The following DRP2 variants were observed in gnomAD, a reference collection of about 807,000 sequenced individuals.
The protein encoded by DRP2 is dystrophin-related protein 2.
A neutral mutation model predicts 78.2 loss-of-function variants in DRP2; 29 were observed. The ratio of observed to expected loss-of-function variants is 0.37; its 90% CI spans 0.28 to 0.51. The LOEUF is 0.51. Ranked by LOEUF, DRP2 falls within the 20% of genes least tolerant of loss-of-function variation. The pLI is 0.94. For synonymous variants in DRP2, 290 were observed against 281.9 expected, an observed-to-expected ratio of 1.03 and a Z score of -0.29; for missense variants, 686 against 770.6, an observed-to-expected ratio of 0.89 and a Z score of 1.30.
chrX:101,251,290 AT>A, intron 16 of DRP2: 1 of 376,701 alleles, frequency 2.7e-6, no homozygotes, highest in Non-Finnish European at 4.3e-6. Context: ...TTTTAGTTGT[AT>A]TATAAAGTAT....
chrX:101,241,024 A>G (rs1922702444), intron 6 of DRP2, among the ~76,000 whole-genome samples: 1 of 112,277 alleles, frequency 8.9e-6, no homozygotes, highest in South Asian at 3.7e-4. Context: ...GGAAGTGGGC[A>G]ACAGAAACTA....
At chrX:101,251,230 T>C in intron 16 of DRP2, 147 bp downstream of exon 16, 2 of 525,446 alleles carry the variant, frequency 3.8e-6, no homozygotes, top group Non-Finnish European at 2.8e-6. Flanking sequence ...TAATCCTTTA[T>C]ATTGCAGAAT....
At chrX:101,254,048 G>A (rs986882813) in intron 17 of DRP2, among the ~76,000 whole-genome samples, 1 of 111,308 alleles carries the variant, frequency 9.0e-6, no homozygotes, top group African/African-American at 3.3e-5. Flanking sequence ...TTGAGAGGCC[G>A]AGGTAGGAGG....
At chrX:101,224,200 T>TTTTG (rs1569507507) in intron 1 of DRP2, among the ~76,000 whole-genome samples, 10 of 67,556 alleles carry the variant, frequency 1.5e-4, no homozygotes, top group African/African-American at 6.1e-4. Context: ...TGTTTTTTTT[T>TTTTG]TTTTTTTTTT....
At chrX:101,250,189 T>G (rs1459591579) in intron 14 of DRP2, among the ~76,000 whole-genome samples, 1 of 110,897 alleles carries the variant, frequency 9.0e-6, no homozygotes, top group East Asian at 2.8e-4. Context: ...TGTCTCCCCC[T>G]CCCCCTGATA....
At chrX:101,258,185 G>A in intron 21 of DRP2, 124 bp from the exon 22 acceptor site, 1 of 543,798 alleles carries the variant, frequency 1.8e-6, no homozygotes, top group Non-Finnish European at 3.0e-6. Flanking sequence ...GGGGATGGGG[G>A]TGGGGGTGAG....
rs1200762256 is a variant in DRP2, at chrX:101,242,349, A to T, written c.853A>T (p.Met285Leu). Reference protein sequence around the residue: ...IKLFKEEFSPMKDGVKLVNDL... With the variant: ...IKLFKEEFSPLKDGVKLVNDL... ...GCTGTTCAAAGAAGAATTCTCCCCC[A>T]TGAAAGATGGAGTAAAGTTGGTGAA... The change falls in exon 8 of 24, where the codon ATG becomes TTG. Residue 285 changes from methionine (M) to leucine (L), a missense_variant. Physicochemically the swap from Met to Leu is conservative, Grantham distance 15. Coordinates refer to ENST00000395209, the MANE Select transcript of DRP2 (RefSeq NM_001939.3). The T allele has an allele frequency of 8.3e-7, 1 of 1,211,361 alleles. No homozygotes were observed. Among genetic ancestry groups the T allele is most frequent in the African/African-American group, 1.7e-5 (1 of 57,780 alleles).
intron 11 of DRP2, 86 bp downstream of exon 11, chrX:101,245,535 G>T (rs1922903252): frequency 1.3e-6 from 1 of 758,485 alleles, no homozygotes; most frequent in Admixed American, 3.1e-5. Context: ...AATGGATAAA[G>T]AAAATGTGGT....
At chrX:101,222,350 A>C (rs1315026129) in intron 1 of DRP2, among the ~76,000 whole-genome samples, 1 of 112,411 alleles carries the variant, frequency 8.9e-6, no homozygotes, top group African/African-American at 3.2e-5. Context: ...AAAATAAAAA[A>C]CTGGAAGAAA....
Position 101,258,555 on chromosome X carries a change from G to A in DRP2, c.2628+9G>A, listed in dbSNP as rs1488425634. ...GGGAGCTTCTCCTGCAGGTGAGGAT[G>A]GAGACAGGAAAAGAGCCAGGGTGGC... On this transcript the variant is annotated intron_variant, in intron 22 of 23. Coordinates refer to ENST00000395209, the MANE Select transcript of DRP2 (RefSeq NM_001939.3). The A allele has an allele frequency of 1.7e-6, 2 of 1,167,779 alleles. No individual in the cohort carries two copies. The highest frequency in any genetic ancestry group is 2.3e-6 in the Non-Finnish European group (2 of 870,686).
intron 17 of DRP2, 70 bp downstream of exon 17, chrX:101,252,786 C>T (rs1203723007): frequency 1.2e-6 from 1 of 858,458 alleles, no homozygotes; most frequent in East Asian, 3.3e-5. Flanking sequence ...CCACTTTGCC[C>T]AGCATTGGCT....
At position 101,254,472 on chromosome X, in the gene DRP2, C is replaced by T. The variant is rs1171977043; in HGVS notation, c.2025C>T (p.Asn675=). Reference sequence around the variant, plus strand: ...GGGACTTTGCCACAACCTTAAAGAACAAATTCCGCTCCAAGCATTATTTCA... The same window carrying T: ...GGGACTTTGCCACAACCTTAAAGAATAAATTCCGCTCCAAGCATTATTTCA... ...NMRDFATTLK[N]KFRSKHYFSK... The change falls in exon 18 of 24, where the codon AAC becomes AAT. Residue 675 remains asparagine (N), a synonymous_variant. Transcript: ENST00000395209. The T allele has an allele frequency of 7.4e-6, 9 of 1,210,255 alleles. No individual in the cohort carries two copies. The South Asian group carries it at 1.4e-4, about 19-fold the overall frequency.
chrX:101,255,224 GA>G lies in DRP2; in HGVS notation c.2222del (p.Asp741AlafsTer9). ...MESQNCSFFN[D>X]SLSPDDSIDE... ...AAGTCAAAATTGCTCCTTCTTTAAT[GA>G]CAGCTTGTCCCCAGATGACAGCATG... is the stretch of plus-strand genomic sequence containing the variant. On this transcript the variant is annotated frameshift_variant, in exon 20 of 24. Transcript: ENST00000395209. LOFTEE classifies it high-confidence loss of function. 8.3e-7 allele frequency: 1 copy of G among 1,211,344 alleles called. No homozygotes were observed. Among genetic ancestry groups the G allele is most frequent in the Non-Finnish European group, 1.1e-6 (1 of 895,290 alleles).
rs765520329 is a variant in DRP2 at position 101,234,613 on chromosome X, G to A, written c.118-1247G>A. On this transcript the variant is annotated intron_variant, in intron 3 of 23. Transcript: ENST00000395209. ...CCTGTTTGTGGCTCACCAGACACTA[G>A]GTCTGGATTCCTGGTGAGGGATGAT... 4.4e-5 allele frequency among the ~76,000 whole-genome samples: 5 copies of A among 112,419 alleles called. No homozygotes were observed. In the South Asian group the frequency reaches 1.9e-3, roughly 42 times the overall value.
At position 101,250,456 on chromosome X, in the gene DRP2, A is replaced by G. The variant is rs1380049723; in HGVS notation, c.1574A>G (p.Gln525Arg). 2 of 1,211,795 alleles carry G rather than the reference A, an allele frequency of 1.7e-6. No homozygotes were observed. Among genetic ancestry groups the G allele is most frequent in the South Asian group, 1.8e-5 (1 of 56,981 alleles). ...LFSQVANSGS[Q>R]CDQRHLGVLL... ...AGCCAAGTGGCCAACTCAGGCAGCCAGTGTGACCAGCGCCACCTTGGTGTC... is the reference window on the plus strand; with the variant it reads ...AGCCAAGTGGCCAACTCAGGCAGCCGGTGTGACCAGCGCCACCTTGGTGTC... The change falls in exon 15 of 24, where the codon CAG becomes CGG. Residue 525 changes from glutamine to arginine, a missense_variant. Gln to Arg is a conservative substitution (Grantham distance 43). Coordinates refer to ENST00000395209, the MANE Select transcript of DRP2 (RefSeq NM_001939.3).
intron 17 of DRP2, 117 bp from the exon 18 acceptor site, chrX:101,254,308 T>G: frequency 1.1e-6 from 1 of 918,193 alleles, no homozygotes; most frequent in East Asian, 3.2e-5. Context: ...CAGGGTATGG[T>G]GGGCATGAGC....
chrX:101,242,866 G>A (rs757858078), intron 8 of DRP2, 38 bp from the exon 9 acceptor site: 2 of 1,165,146 alleles, frequency 1.7e-6, no homozygotes, highest in Non-Finnish European at 2.3e-6. Context: ...CTAAATAGCT[G>A]GAATGAATCT....
intron 7 of DRP2, 34 bp from the exon 8 acceptor site, chrX:101,242,291 T>C: frequency 8.3e-7 from 1 of 1,202,589 alleles, no homozygotes. Flanking sequence ...TTTCCCACTC[T>C]GTCTGCTGTG....
Position 101,260,669 on chromosome X carries a change from G to T in DRP2, c.*48G>T. 1 of 1,166,734 alleles carries T rather than the reference G, an allele frequency of 8.6e-7. No homozygotes were observed. Among genetic ancestry groups the T allele is most frequent in the Non-Finnish European group, 1.1e-6 (1 of 872,368 alleles). On this transcript the variant is annotated 3_prime_UTR_variant, in exon 24 of 24. Coordinates refer to ENST00000395209, the MANE Select transcript of DRP2 (RefSeq NM_001939.3). ...AGTTCATAGTCCTCTCCTGGTTCCG[G>T]TCAAAGCCTTTCCTCAGCCTTCACC...
Sources: gnomAD v4.1 joint callset for allele counts (sites outside exome capture counted in the v4.1 genomes callset) on GRCh38, gnomAD v4.1.1 for gene constraint, MANE v1.5 for transcripts, NCBI Gene and HGNC (gene_info 2026-07-23, HGNC 2026-07-21) for gene names.